RAB33A: variants seen among roughly 807,000 people sequenced by gnomAD.
RAB33A encodes the protein ras-related protein Rab-33A.
RAB33A carries 6 observed loss-of-function variants against 12.0 expected under a neutral mutation model. That is an observed-to-expected ratio of 0.50 (90% CI 0.27 to 0.99). RAB33A has a LOEUF of 0.99. Ranked by LOEUF, RAB33A falls within the 50% of genes least tolerant of loss-of-function variation. The pLI is 0.11. For missense variants in RAB33A, 109 were observed against 192.0 expected (o/e 0.57, Z 2.55); for synonymous variants, 70 against 82.4 (o/e 0.85, Z 0.81).
chrX:130,111,628 G>T, the RAB33A span, among the ~76,000 whole-genome samples: 1 of 111,865 alleles, frequency 8.9e-6, no homozygotes, highest in East Asian at 2.9e-4. Context: ...ACGCTGGCAA[G>T]ATATGAGTCA....
At chrX:130,156,226 A>T in the RAB33A span, among the ~76,000 whole-genome samples, 1 of 112,262 alleles carries the variant, frequency 8.9e-6, no homozygotes, top group Non-Finnish European at 1.9e-5. Context: ...TCAAGTAAAG[A>T]AGAAAAAGAC....
chrX:130,156,523 T>C, the RAB33A span: 46 of 1,209,668 alleles, frequency 3.8e-5, no homozygotes, highest in Non-Finnish European at 4.8e-5. Context: ...TTATCGATTT[T>C]GCCCCCTGAT....
chrX:130,165,836 G>A, the RAB33A span: 37 of 496,318 alleles, frequency 7.5e-5, no homozygotes, highest in African/African-American at 1.2e-4. Flanking sequence ...GCCGGGGAAG[G>A]GGAACGGCGA....
At chrX:130,135,246 C>T in the RAB33A span, among the ~76,000 whole-genome samples, 1 of 108,873 alleles carries the variant, frequency 9.2e-6, no homozygotes, top group Non-Finnish European at 1.9e-5. Flanking sequence ...GCCACCACAC[C>T]CGGCTAATTT....
intron 1 of RAB33A, among the ~76,000 whole-genome samples, chrX:130,179,897 C>T (rs566584769): frequency 1.9e-5 from 2 of 106,200 alleles, no homozygotes; most frequent in Non-Finnish European, 3.9e-5. Flanking sequence ...AGAGCACTGA[C>T]GAGACAATTA....
chrX:130,169,243 G>A (rs923122378), upstream of RAB33A, among the ~76,000 whole-genome samples: 17 of 108,560 alleles, frequency 1.6e-4, no homozygotes, highest in Non-Finnish European at 2.9e-4. Flanking sequence ...TCCAAAGTAA[G>A]GTAAAAATTA....
At chrX:130,147,996 A>C in the RAB33A span, 1 of 907,196 alleles carries the variant, frequency 1.1e-6, no homozygotes, top group Non-Finnish European at 1.6e-6. Context: ...AGCAAAACAT[A>C]TGACCTACGC....
the RAB33A span, among the ~76,000 whole-genome samples, chrX:130,117,617 A>C: frequency 8.9e-6 from 1 of 112,552 alleles, no homozygotes; most frequent in African/African-American, 3.2e-5. Context: ...AGAGTCAGCA[A>C]ATGAGATGAG....
chrX:130,174,352 A>G (rs209551), intron 1 of RAB33A, among the ~76,000 whole-genome samples: 58,538 of 110,722 alleles, frequency 0.53, 12,557 homozygotes, highest in African/African-American at 0.82. Flanking sequence ...GGCAGATTCC[A>G]AAGGAGCTCA....
chrX:130,178,776 C>T (rs1171525339), intron 1 of RAB33A, among the ~76,000 whole-genome samples: 3 of 108,620 alleles, frequency 2.8e-5, no homozygotes, highest in Non-Finnish European at 5.7e-5. Context: ...CTCAGCCTCC[C>T]GAGTAGCTGG....
the RAB33A span, among the ~76,000 whole-genome samples, chrX:130,132,742 C>CTTTT: frequency 5.7e-5 from 4 of 69,855 alleles, no homozygotes; most frequent in African/African-American, 1.9e-4. Context: ...TCTGACACTC[C>CTTTT]TTTTTTTTTT....
chrX:130,165,053 G>C, the RAB33A span, among the ~76,000 whole-genome samples: 1 of 109,239 alleles, frequency 9.2e-6, no homozygotes, highest in African/African-American at 3.3e-5. Flanking sequence ...ACAACCAACC[G>C]ACTCCTTACT....
the RAB33A span, among the ~76,000 whole-genome samples, chrX:130,139,613 C>T: frequency 9.0e-6 from 1 of 110,792 alleles, no homozygotes; most frequent in African/African-American, 3.3e-5. Context: ...GCTTAAAACC[C>T]TTGAGTGAGG....
the RAB33A span, among the ~76,000 whole-genome samples, chrX:130,119,222 A>C: frequency 9.2e-6 from 1 of 108,613 alleles, no homozygotes; most frequent in East Asian, 2.9e-4. Flanking sequence ...CCACTCCCCC[A>C]CCCCCTCCAG....
the RAB33A span, among the ~76,000 whole-genome samples, chrX:130,128,967 T>C: frequency 8.9e-6 from 1 of 112,585 alleles, no homozygotes; most frequent in East Asian, 2.8e-4. Context: ...TATGAAGCAC[T>C]TACTATGAAG....
chrX:130,184,017 G>A lies in RAB33A; in HGVS notation c.259-268G>A, dbSNP rs1219488476. ...CAATTCTCTTGCCTCAGCCTCCCCC[G>A]TAGCTGGGATTACAGGCATGCACCA... is the stretch of plus-strand genomic sequence containing the variant. On this transcript the variant is annotated intron_variant, in intron 1 of 1. Transcript: ENST00000257017. Among the ~76,000 whole-genome samples, 9 of 111,593 alleles carry A rather than the reference G, an allele frequency of 8.1e-5. No individual in the cohort carries two copies. The Admixed American group carries it at 8.6e-4, about 11-fold the overall frequency.
chrX:130,139,079 C>T, the RAB33A span, among the ~76,000 whole-genome samples: 1 of 110,842 alleles, frequency 9.0e-6, no homozygotes, highest in Admixed American at 9.7e-5. Flanking sequence ...AATGCCAATA[C>T]TGCAGAGGCT....
the RAB33A span, among the ~76,000 whole-genome samples, chrX:130,120,101 A>G: frequency 3.6e-5 from 4 of 112,088 alleles, no homozygotes; most frequent in African/African-American, 6.5e-5. Flanking sequence ...GAGGATGTCC[A>G]AGGCAGCATC....
chrX:130,163,682 T>C, the RAB33A span, among the ~76,000 whole-genome samples: 2 of 112,411 alleles, frequency 1.8e-5, no homozygotes, highest in East Asian at 2.8e-4. Flanking sequence ...CATTTGAGTC[T>C]GTATTTTTCA....
Sources: gnomAD v4.1 joint callset for allele counts (sites outside exome capture counted in the v4.1 genomes callset) on GRCh38, gnomAD v4.1.1 for gene constraint, MANE v1.5 for transcripts, NCBI Gene and HGNC (gene_info 2026-07-23, HGNC 2026-07-21) for gene names.